WDFY2: variants seen among roughly 807,000 people sequenced by gnomAD.
WDFY2 encodes WD repeat and FYVE domain-containing protein 2.
WDFY2 carries 36 observed loss-of-function variants against 56.4 expected under a neutral mutation model. The ratio of observed to expected loss-of-function variants is 0.64; its 90% CI spans 0.49 to 0.84. The LOEUF (loss-of-function observed/expected upper bound fraction) is 0.84, where lower values mean the gene tolerates loss of function less well. Ranked by LOEUF, WDFY2 falls within the 40% of genes least tolerant of loss-of-function variation. The pLI is 0.00. For missense variants in WDFY2, 444 were observed against 512.2 expected (o/e 0.87, Z 1.29); for synonymous variants, 176 against 183.7 (o/e 0.96, Z 0.34).
intron 6 of WDFY2, among the ~76,000 whole-genome samples, chr13:51,731,502 G>A (rs947396651): frequency 3.3e-5 from 5 of 152,166 alleles, no homozygotes; most frequent in Non-Finnish European, 5.9e-5. Context: ...CTAACTAACA[G>A]GAAGGCAAAT....
chr13:51,695,477 G>A (rs913049778), intron 3 of WDFY2, among the ~76,000 whole-genome samples: 1 of 152,220 alleles, frequency 6.6e-6, no homozygotes, highest in Non-Finnish European at 1.5e-5. Context: ...GGTACCAGCA[G>A]CGATGGCTGG....
intron 10 of WDFY2, among the ~76,000 whole-genome samples, chr13:51,757,717 A>T (rs566306233): frequency 1.3e-5 from 2 of 152,220 alleles, no homozygotes; most frequent in East Asian, 3.9e-4. Context: ...AGAATACTAT[A>T]GAAAAACCAA....
chr13:51,651,408 T>C (rs1955383515), intron 1 of WDFY2, among the ~76,000 whole-genome samples: 1 of 152,238 alleles, frequency 6.6e-6, no homozygotes, highest in Non-Finnish European at 1.5e-5. Flanking sequence ...TTTGTGTCTC[T>C]ATCTCCTTCA....
chr13:51,738,846 A>G (rs1952899766), intron 6 of WDFY2, among the ~76,000 whole-genome samples: 1 of 152,068 alleles, frequency 6.6e-6, no homozygotes, highest in Non-Finnish European at 1.5e-5. Context: ...TGGTACATGA[A>G]ATGTTGGTGA....
chr13:51,593,506 T>C (rs1007807120), intron 1 of WDFY2, among the ~76,000 whole-genome samples: 2 of 152,314 alleles, frequency 1.3e-5, no homozygotes, highest in African/African-American at 4.8e-5. Flanking sequence ...AAAATGCTTA[T>C]AGTTATGTAT....
chr13:51,718,180 T>G (rs557081063), intron 4 of WDFY2, among the ~76,000 whole-genome samples: 9 of 152,318 alleles, frequency 5.9e-5, no homozygotes, highest in African/African-American at 1.9e-4. Context: ...ACAGTCATGA[T>G]GAGTGTGTTC....
At chr13:51,691,293 A>G (rs1239627466) in intron 3 of WDFY2, among the ~76,000 whole-genome samples, 2 of 151,656 alleles carry the variant, frequency 1.3e-5, no homozygotes, top group Non-Finnish European at 2.9e-5. Flanking sequence ...CTGAATGGTA[A>G]TGCCTAGGTT....
chr13:51,592,160 G>C (rs56863323), intron 1 of WDFY2: 1 of 151,430 alleles, frequency 6.6e-6, no homozygotes, highest in African/African-American at 2.4e-5. Flanking sequence ...AAAAAAAAAA[G>C]AAAAAAATTA....
chr13:51,627,554 T>C (rs898385322), intron 1 of WDFY2, among the ~76,000 whole-genome samples: 15 of 151,844 alleles, frequency 9.9e-5, no homozygotes, highest in African/African-American at 2.9e-4. Flanking sequence ...TTTGTTGTTA[T>C]TGTATTTTTA....
At chr13:51,591,535 T>C (rs1398041084) in intron 1 of WDFY2, 1 of 152,216 alleles carries the variant, frequency 6.6e-6, no homozygotes, top group Non-Finnish European at 1.5e-5. Context: ...TTAGCATTGC[T>C]ACGCAAGACT....
chr13:51,660,192 C>G (rs770958058), intron 1 of WDFY2, among the ~76,000 whole-genome samples: 4 of 151,506 alleles, frequency 2.6e-5, no homozygotes, highest in Admixed American at 6.6e-5. Context: ...AAGATATTCT[C>G]TCTCTCTCTT....
chr13:51,629,808 C>CT (rs1954914880), intron 1 of WDFY2, among the ~76,000 whole-genome samples: 1 of 120,976 alleles, frequency 8.3e-6, no homozygotes, highest in African/African-American at 3.1e-5. Flanking sequence ...ATTTTTTTTT[C>CT]TTTTCTTTCT....
At chr13:51,676,558 C>T (rs887442022) in intron 3 of WDFY2, among the ~76,000 whole-genome samples, 1 of 152,118 alleles carries the variant, frequency 6.6e-6, no homozygotes, top group Admixed American at 6.5e-5. Context: ...TGCCCCAGCC[C>T]CTACAAATGT....
In WDFY2 at chr13:51,584,732, C is replaced by A. The variant is rs1313458104; in HGVS notation, c.45C>A (p.Ile15=). The change falls in exon 1 of 12, where the codon ATC becomes ATA. Residue 15 remains isoleucine (I), a synonymous_variant. Transcript: ENST00000298125. Reference sequence around the variant, plus strand: ...CCAAGCCTCTGACCCGCAAGCCGATCCTGCTGCAGCGGATGGAGGGGTCCC... The same window carrying A: ...CCAAGCCTCTGACCCGCAAGCCGATACTGCTGCAGCGGATGGAGGGGTCCC... ...IQPKPLTRKP[I]LLQRMEGSQE... is the part of the protein sequence containing the mutation. The A allele has an allele frequency of 3.7e-6, 6 of 1,613,770 alleles. No individual in the cohort carries two copies. The highest frequency in any genetic ancestry group is 5.1e-6 in the Non-Finnish European group (6 of 1,179,762).
chr13:51,620,176 A>G (rs1954698514), intron 1 of WDFY2, among the ~76,000 whole-genome samples: 2 of 116,808 alleles, frequency 1.7e-5, no homozygotes, highest in South Asian at 2.8e-4. Context: ...GTAAAATGCT[A>G]TGCTTCTCAT....
chr13:51,712,315 G>T (rs530779363), intron 4 of WDFY2, among the ~76,000 whole-genome samples: 9 of 152,114 alleles, frequency 5.9e-5, no homozygotes, highest in African/African-American at 2.2e-4. Flanking sequence ...GGGGAGCGGG[G>T]AGGGATAACA....
chr13:51,684,010 C>T (rs1956020193), intron 3 of WDFY2, among the ~76,000 whole-genome samples: 1 of 152,180 alleles, frequency 6.6e-6, no homozygotes, highest in South Asian at 2.1e-4. Context: ...CACTCTCCTG[C>T]AGCTTCACCT....
chr13:51,679,281 A>G (rs528436735), intron 3 of WDFY2, among the ~76,000 whole-genome samples: 2 of 152,280 alleles, frequency 1.3e-5, no homozygotes, highest in East Asian at 1.9e-4. Flanking sequence ...AGTAATTGCT[A>G]TAGGATAGTA....
At chr13:51,670,418 G>T (rs539900034) in intron 2 of WDFY2, among the ~76,000 whole-genome samples, 2 of 151,976 alleles carry the variant, frequency 1.3e-5, no homozygotes, top group South Asian at 2.1e-4. Flanking sequence ...TCCAAGGCCT[G>T]TTCCTGTGGG....
Sources: gnomAD v4.1 joint callset for allele counts (sites outside exome capture counted in the v4.1 genomes callset) on GRCh38, gnomAD v4.1.1 for gene constraint, MANE v1.5 for transcripts, NCBI Gene and HGNC (gene_info 2026-07-23, HGNC 2026-07-21) for gene names.